The following ANKRD30B variants were observed in gnomAD, a reference collection of about 807,000 sequenced individuals.
ANKRD30B encodes the protein ankyrin repeat domain 30B, also known as ankyrin repeat domain-containing protein 30B.
Under a neutral mutation model 202.2 loss-of-function variants are expected in ANKRD30B, and 144 were observed. The ratio of observed to expected loss-of-function variants is 0.71; its 90% confidence interval spans 0.62 to 0.82. ANKRD30B has a LOEUF of 0.82. Ranked by LOEUF, ANKRD30B falls within the 40% of genes least tolerant of loss-of-function variation. ANKRD30B has a pLI of 0.00. For synonymous variants in ANKRD30B, 508 were observed against 561.3 expected (o/e 0.91, Z 1.34); for missense variants, 1,487 against 1,669.1 (o/e 0.89, Z 1.90).
rs943550245 is a variant in ANKRD30B, at chr18:14,782,667, G to A, written c.1570+53G>A. The A allele has an allele frequency of 5.1e-5, 61 of 1,187,896 alleles. No homozygotes were observed. In the South Asian group the frequency reaches 6.9e-4, roughly 13 times the overall value. 73.6% of individuals were successfully genotyped at this position (1,187,896 alleles called of 1,614,324 possible). On this transcript the variant is annotated intron_variant, in intron 12 of 43. Coordinates refer to ENST00000690538, the MANE Select transcript of ANKRD30B (RefSeq NM_001367607.2). ...CTTTTAACCATATGTTTGTCTAAAC[G>A]CATGATGACTGAAATACTCTAATAG...
intron 10 of ANKRD30B, among the ~76,000 whole-genome samples, chr18:14,778,285 A>C (rs185568949): frequency 7.2e-5 from 11 of 152,208 alleles, no homozygotes; most frequent in African/African-American, 2.4e-4. Flanking sequence ...TTTAAATTCA[A>C]TATACTGTAA....
At chr18:14,808,294 A>T (rs182868464) in intron 24 of ANKRD30B, 17 of 476,210 alleles carry the variant, frequency 3.6e-5, no homozygotes, top group African/African-American at 1.4e-4. Context: ...TACTTTAGTT[A>T]TTGTCAGTTG....
At chr18:14,769,312 T>C (rs1916731111) in intron 7 of ANKRD30B, 31 bp from the exon 8 acceptor site, 7 of 1,442,552 alleles carry the variant, frequency 4.9e-6, no homozygotes, top group Non-Finnish European at 6.6e-6. Flanking sequence ...TATTTGTTAA[T>C]TTAATGTATT....
chr18:14,805,413 A>G (rs1004352897), intron 24 of ANKRD30B, among the ~76,000 whole-genome samples: 3 of 151,030 alleles, frequency 2.0e-5, no homozygotes, highest in African/African-American at 7.3e-5. Flanking sequence ...AGGTTTGTAC[A>G]TCTTCCTCCA....
chr18:14,818,182 T>C (rs1483052473), intron 30 of ANKRD30B, among the ~76,000 whole-genome samples: 1 of 152,202 alleles, frequency 6.6e-6, no homozygotes, highest in Non-Finnish European at 1.5e-5. Flanking sequence ...AAGAGCTTTT[T>C]CATAACAGTG....
At chr18:14,787,008 C>T (rs1257097460) in intron 14 of ANKRD30B, 31 bp from the exon 15 acceptor site, 4 of 1,588,066 alleles carry the variant, frequency 2.5e-6, no homozygotes, top group Non-Finnish European at 2.6e-6. Context: ...GAAATGTTCT[C>T]ATGAATACAT....
chr18:14,905,770 T>C, the ANKRD30B span: 1 of 152,216 alleles, frequency 6.6e-6, no homozygotes, highest in Non-Finnish European at 1.5e-5. Flanking sequence ...TGTTAATTTC[T>C]TTCAGGGTCT....
the ANKRD30B span, among the ~76,000 whole-genome samples, chr18:14,873,827 A>G: frequency 6.6e-6 from 1 of 152,156 alleles, no homozygotes; most frequent in African/African-American, 2.4e-5. Context: ...AGGAGTTAGC[A>G]AGTAGCAGTA....
chr18:14,760,056 T>A (rs1915013772), intron 5 of ANKRD30B, among the ~76,000 whole-genome samples: 1 of 152,216 alleles, frequency 6.6e-6, no homozygotes, highest in Non-Finnish European at 1.5e-5. Flanking sequence ...CATTGGGTTT[T>A]ATTGGGAATT....
the ANKRD30B span, among the ~76,000 whole-genome samples, chr18:14,919,749 C>A: frequency 5.3e-5 from 8 of 152,316 alleles, no homozygotes; most frequent in East Asian, 1.5e-3. Context: ...CCCACTGGCC[C>A]CACCCTGCTG....
the ANKRD30B span, among the ~76,000 whole-genome samples, chr18:14,914,748 A>C: frequency 3.9e-5 from 6 of 152,196 alleles, no homozygotes; most frequent in Non-Finnish European, 8.8e-5. Context: ...CAGAAAGTGG[A>C]CTAGTTTCAG....
the ANKRD30B span, among the ~76,000 whole-genome samples, chr18:14,896,366 T>C: frequency 7.2e-5 from 11 of 152,052 alleles, no homozygotes; most frequent in African/African-American, 2.2e-4. Flanking sequence ...CTCCTGACCT[T>C]GTGATCTGCC....
the ANKRD30B span, among the ~76,000 whole-genome samples, chr18:14,870,129 C>T: frequency 2.8e-4 from 42 of 152,320 alleles, no homozygotes; most frequent in Middle Eastern, 3.4e-3. Flanking sequence ...AGCCACCACG[C>T]GAAGCCTATT....
At chr18:14,883,343 CTCT>C in the ANKRD30B span, among the ~76,000 whole-genome samples, 1 of 144,808 alleles carries the variant, frequency 6.9e-6, no homozygotes. Context: ...CTGTCTCTCT[CTCT>C]CTTTCTCTCT....
intron 32 of ANKRD30B, among the ~76,000 whole-genome samples, chr18:14,826,697 A>T (rs201982823): frequency 0.12 from 15,610 of 125,722 alleles, 855 homozygotes; most frequent in East Asian, 0.27. Context: ...TCTCTCTCAC[A>T]CACACACACA....
intron 30 of ANKRD30B, among the ~76,000 whole-genome samples, chr18:14,821,410 T>C (rs1208389725): frequency 6.6e-6 from 1 of 152,170 alleles, no homozygotes; most frequent in African/African-American, 2.4e-5. Flanking sequence ...TACTAGCTTT[T>C]GAATGTGTTT....
the ANKRD30B span, among the ~76,000 whole-genome samples, chr18:14,911,910 G>A: frequency 1.1e-4 from 16 of 151,886 alleles, no homozygotes; most frequent in African/African-American, 1.9e-4. Flanking sequence ...TTCTCAATTC[G>A]GTCCTCTGCT....
chr18:14,885,557 A>C, the ANKRD30B span, among the ~76,000 whole-genome samples: 1 of 152,022 alleles, frequency 6.6e-6, no homozygotes, highest in African/African-American at 2.4e-5. Flanking sequence ...AAATTTCAGT[A>C]GAAAATAGTG....
the ANKRD30B span, among the ~76,000 whole-genome samples, chr18:14,917,059 G>A: frequency 0.015 from 2,257 of 152,244 alleles, 67 homozygotes; most frequent in African/African-American, 0.051. Context: ...GATATGAGGT[G>A]ACCATGTGAA....
Sources: allele counts gnomAD v4.1 joint callset (sites outside exome capture counted in the v4.1 genomes callset), GRCh38; gene constraint gnomAD v4.1.1; transcripts MANE v1.5; gene names NCBI Gene and HGNC (gene_info 2026-07-23, HGNC 2026-07-21).